PAPPA2: variants seen among roughly 807,000 people sequenced by gnomAD.
The protein encoded by PAPPA2 is pappalysin-2.
In PAPPA2, 86 loss-of-function variants were observed where a neutral mutation model predicts 176.4. The ratio of observed to expected loss-of-function variants is 0.49; its 90% CI spans 0.41 to 0.58. PAPPA2 has a LOEUF of 0.58. PAPPA2 is among the 20% of genes least tolerant of loss of function. The pLI is 0.00. For synonymous variants in PAPPA2, 809 were observed against 852.2 expected, an observed-to-expected ratio of 0.95 and a Z score of 0.88; for missense variants, 2,073 against 2,256.9, an observed-to-expected ratio of 0.92 and a Z score of 1.65.
At chr1:176,666,721 C>A (rs1173870034) in intron 3 of PAPPA2, among the ~76,000 whole-genome samples, 3 of 151,204 alleles carry the variant, frequency 2.0e-5, no homozygotes, top group African/African-American at 7.3e-5. Flanking sequence ...TACTAAGAGT[C>A]ATGAAGATAG....
At chr1:176,580,596 A>C (rs1243485858) in intron 2 of PAPPA2, among the ~76,000 whole-genome samples, 4 of 152,116 alleles carry the variant, frequency 2.6e-5, no homozygotes. Context: ...TTACATTCCC[A>C]CTAGCAGTAT....
At chr1:176,805,523 C>A (rs1443929076) in intron 21 of PAPPA2, among the ~76,000 whole-genome samples, 1 of 152,150 alleles carries the variant, frequency 6.6e-6, no homozygotes, top group African/African-American at 2.4e-5. Flanking sequence ...GTTAGCTATG[C>A]GCAGTACCTG....
At chr1:176,591,403 ATTTAATGAC>A (rs999726761) in intron 2 of PAPPA2, among the ~76,000 whole-genome samples, 31 of 152,304 alleles carry the variant, frequency 2.0e-4, no homozygotes, top group African/African-American at 7.5e-4. Flanking sequence ...GGAAGTTGAC[ATTTAATGAC>A]TTTAGGGAGA....
At chr1:176,689,141 A>G (rs927079095) in intron 4 of PAPPA2, among the ~76,000 whole-genome samples, 1 of 152,170 alleles carries the variant, frequency 6.6e-6, no homozygotes, top group African/African-American at 2.4e-5. Flanking sequence ...TCTTTCAGAG[A>G]TAAGACTGGG....
intron 14 of PAPPA2, among the ~76,000 whole-genome samples, chr1:176,763,776 G>T (rs1663804305): frequency 6.6e-6 from 1 of 152,204 alleles, no homozygotes; most frequent in Non-Finnish European, 1.5e-5. Flanking sequence ...AAGAAATTTA[G>T]AAGGGAGTTA....
At chr1:176,625,786 C>G (rs1655973341) in intron 3 of PAPPA2, among the ~76,000 whole-genome samples, 1 of 152,108 alleles carries the variant, frequency 6.6e-6, no homozygotes, top group African/African-American at 2.4e-5. Context: ...TTTGGGAGGC[C>G]AAAATGGGAG....
chr1:176,779,519 C>CACACACAGAG (rs1451138087), intron 17 of PAPPA2, among the ~76,000 whole-genome samples: 6 of 102,538 alleles, frequency 5.9e-5, no homozygotes, highest in African/African-American at 2.0e-4. Flanking sequence ...CACACACACA[C>CACACACAGAG]AGAGAGAGAG....
chr1:176,649,279 G>T (rs1159370101), intron 3 of PAPPA2, among the ~76,000 whole-genome samples: 1 of 150,838 alleles, frequency 6.6e-6, no homozygotes, highest in African/African-American at 2.4e-5. Flanking sequence ...AATACAGAGG[G>T]GTCCTTTTTG....
chr1:176,784,593 T>TTA (rs1348922422), intron 17 of PAPPA2, among the ~76,000 whole-genome samples: 1 of 151,090 alleles, frequency 6.6e-6, no homozygotes, highest in African/African-American at 2.4e-5. Flanking sequence ...TGATTCTCTT[T>TTA]TTTTTTTTTT....
intron 22 of PAPPA2, among the ~76,000 whole-genome samples, chr1:176,841,429 A>G (rs1667485655): frequency 6.6e-6 from 1 of 152,026 alleles, no homozygotes; most frequent in Non-Finnish European, 1.5e-5. Context: ...TTCCCCACAC[A>G]ACCCCACCCA....
intron 2 of PAPPA2, among the ~76,000 whole-genome samples, chr1:176,560,894 T>TC (rs1651628272): frequency 6.6e-6 from 1 of 152,180 alleles, no homozygotes; most frequent in Admixed American, 6.5e-5. Context: ...AGTCACTAAG[T>TC]CCATGGCAGA....
At chr1:176,570,294 T>TG (rs918902941) in intron 2 of PAPPA2, among the ~76,000 whole-genome samples, 12 of 152,204 alleles carry the variant, frequency 7.9e-5, no homozygotes, top group South Asian at 2.1e-4. Flanking sequence ...AACTCTCTTT[T>TG]GGGGGGGTGA....
Position 176,695,610 on chromosome 1 carries a change from GT to G in PAPPA2, c.2625-126del. 3 of 1,043,276 alleles carry G rather than the reference GT, an allele frequency of 2.9e-6. No individual in the cohort carries two copies. The South Asian group carries it at 4.9e-5, about 17-fold the overall frequency. The allele number at this position is 1,043,276 out of a possible 1,614,324, so 64.6% of individuals were successfully genotyped here. On this transcript the variant is annotated intron_variant, in intron 6 of 22. Coordinates refer to ENST00000367662, the MANE Select transcript of PAPPA2 (RefSeq NM_020318.3). Reference sequence around the variant, plus strand: ...AACGATTGAGATACAGTTGTTCTTAGTTACTCTCTAGGTCCTTACTAACCAT... The same window carrying G: ...AACGATTGAGATACAGTTGTTCTTAGTACTCTCTAGGTCCTTACTAACCAT...
intron 3 of PAPPA2, among the ~76,000 whole-genome samples, chr1:176,659,047 C>T (rs1358947312): frequency 6.6e-6 from 1 of 151,856 alleles, no homozygotes; most frequent in African/African-American, 2.4e-5. Flanking sequence ...ATAGTTTAAA[C>T]TAAGCAACTA....
At chr1:176,676,946 A>C (rs759621276) in intron 4 of PAPPA2, among the ~76,000 whole-genome samples, 4 of 152,152 alleles carry the variant, frequency 2.6e-5, no homozygotes, top group Non-Finnish European at 5.9e-5. Context: ...ATGGAATTGC[A>C]AAAGAAACAA....
chr1:176,473,299 C>T (rs1009731966), intron 1 of PAPPA2, among the ~76,000 whole-genome samples: 4 of 152,148 alleles, frequency 2.6e-5, no homozygotes, highest in African/African-American at 4.8e-5. Context: ...ACAGCCTTTT[C>T]GGATTGGCTT....
chr1:176,835,116 A>G (rs890811304), intron 21 of PAPPA2, among the ~76,000 whole-genome samples: 5 of 152,288 alleles, frequency 3.3e-5, no homozygotes, highest in Non-Finnish European at 5.9e-5. Flanking sequence ...AACTTAAGTT[A>G]CCCTTCTTTC....
chr1:176,759,384 G>A (rs1328448513), intron 14 of PAPPA2, among the ~76,000 whole-genome samples: 1 of 152,110 alleles, frequency 6.6e-6, no homozygotes, highest in Non-Finnish European at 1.5e-5. Context: ...CTGTTTTAAT[G>A]AGCTCTGGTT....
At chr1:176,521,316 C>T (rs765178307) in intron 1 of PAPPA2, among the ~76,000 whole-genome samples, 6 of 152,180 alleles carry the variant, frequency 3.9e-5, no homozygotes, top group Non-Finnish European at 8.8e-5. Context: ...CTTCTGCTTT[C>T]ACCTTTCATG....
Sources: gnomAD v4.1 joint callset for allele counts (sites outside exome capture counted in the v4.1 genomes callset) on GRCh38, gnomAD v4.1.1 for gene constraint, MANE v1.5 for transcripts, NCBI Gene and HGNC (gene_info 2026-07-23, HGNC 2026-07-21) for gene names.